Variants in KLHL22 observed in about 807,000 individuals in gnomAD.
KLHL22 encodes kelch-like protein 22.
In KLHL22, 18 loss-of-function variants were observed where a neutral mutation model predicts 60.7. The ratio of observed to expected loss-of-function variants is 0.30; its 90% CI spans 0.20 to 0.44. The LOEUF is 0.44. Among genes scored for constraint, KLHL22 ranks in the 20% least tolerant of loss-of-function variants. The pLI, the probability that KLHL22 is intolerant of heterozygous loss-of-function variation, is 1.00. For synonymous variants in KLHL22, 355 were observed against 354.5 expected (o/e 1.00, Z -0.01); for missense variants, 596 against 852.3 (o/e 0.70, Z 3.74).
intron 5 of KLHL22, among the ~76,000 whole-genome samples, chr22:20,447,243 T>C (rs1019756243): frequency 6.6e-6 from 1 of 152,222 alleles, no homozygotes; most frequent in African/African-American, 2.4e-5. Context: ...GGGCCCAGCC[T>C]GCCCCCATCA....
At chr22:20,478,508 C>CTTTTTT (rs1196419660) in intron 2 of KLHL22, among the ~76,000 whole-genome samples, 41 of 67,676 alleles carry the variant, frequency 6.1e-4, no homozygotes, top group East Asian at 1.2e-3. Context: ...AAACTTAATT[C>CTTTTTT]TTTTTTTTTT....
Position 20,443,534 on chromosome 22 carries a change from A to T in KLHL22, c.1540-1096T>A, listed in dbSNP as rs534420336. On this transcript the variant is annotated intron_variant, in intron 6 of 6. Coordinates refer to ENST00000328879, the MANE Select transcript of KLHL22 (RefSeq NM_032775.4). ...GGCGGGCTGATCACAAGGTCAAGAG[A>T]TCAAGACCATCCTGGCCAACATGGT... Among the ~76,000 whole-genome samples, 19 of 151,742 alleles carry T rather than the reference A, an allele frequency of 1.3e-4. 1 individual carries two copies. In the South Asian group the frequency reaches 2.1e-3, roughly 17 times the overall value.
At chr22:20,442,829 G>A (rs529375240) in intron 6 of KLHL22, among the ~76,000 whole-genome samples, 1 of 152,342 alleles carries the variant, frequency 6.6e-6, no homozygotes, top group South Asian at 2.1e-4. Context: ...TCCAGGAAAC[G>A]AAGCTGCCTG....
At position 20,442,419 on chromosome 22, in the gene KLHL22, G is replaced by T. The variant is rs750028643; in HGVS notation, c.1559C>A (p.Thr520Lys). 8.8e-6 allele frequency: 14 copies of T among 1,599,824 alleles called. No homozygotes were observed. Among genetic ancestry groups the T allele is most frequent in the African/African-American group, 1.3e-5 (1 of 74,598 alleles). ...DVHQVACYSC[T>K]SGQWSSVCPL... ...GCAGACAGATGACCACTGTCCAGAC[G>T]TGCAGCTGTAGCAGGCCACCTGCAA... is the stretch of plus-strand genomic sequence containing the variant. Residue 520 changes from threonine to lysine, a missense_variant, in exon 7 of 7, where the codon ACG (threonine) becomes AAG (lysine). Physicochemically the swap from Thr to Lys is moderately conservative, Grantham distance 78 (BLOSUM62 -1). Transcript: ENST00000328879.
intron 5 of KLHL22, among the ~76,000 whole-genome samples, chr22:20,446,885 A>C (rs2052873206): frequency 6.6e-6 from 1 of 152,216 alleles, no homozygotes; most frequent in African/African-American, 2.4e-5. Flanking sequence ...CCAATAGCGG[A>C]TACATCTATA....
At chr22:20,487,696 AC>A (rs2146285059) in intron 2 of KLHL22, among the ~76,000 whole-genome samples, 1 of 152,260 alleles carries the variant, frequency 6.6e-6, no homozygotes, top group South Asian at 2.1e-4. Context: ...TAAGAGGTTT[AC>A]CCAAGGGGGG....
intron 2 of KLHL22, among the ~76,000 whole-genome samples, chr22:20,476,131 T>A (rs1420782741): frequency 6.6e-6 from 1 of 152,202 alleles, no homozygotes; most frequent in Non-Finnish European, 1.5e-5. Flanking sequence ...CATTTGGAAG[T>A]CTTATAAGTC....
rs147989634 is a variant in KLHL22, at chr22:20,469,822, T to C, written c.393+1528A>G. On this transcript the variant is annotated intron_variant, in intron 3 of 6. Transcript: ENST00000328879. ...AAACCTGCTCTCATGGGAAGAAAGGTCAGAATGATGAACTTAGCATAGCAT... is the reference window on the plus strand; with the variant it reads ...AAACCTGCTCTCATGGGAAGAAAGGCCAGAATGATGAACTTAGCATAGCAT... Among the ~76,000 whole-genome samples the C allele has an allele frequency of 3.4e-4, 52 of 151,438 alleles. No individual in the cohort carries two copies. The East Asian group carries it at 9.8e-3, about 29-fold the overall frequency.
Position 20,489,261 on chromosome 22 carries a change from C to G in KLHL22, c.-33-17G>C. 6.3e-7 allele frequency: 1 copy of G among 1,585,818 alleles called. No individual in the cohort carries two copies. The highest frequency in any genetic ancestry group is 1.7e-5 in the Admixed American group (1 of 59,500). The stretch of plus-strand genomic sequence containing the variant: ...AACTGTGGCCTGACAGTTGGCAAAA[C>G]AGGGGACAGGGGTGAGCAGGCAGGC... On this transcript the variant is annotated splice_polypyrimidine_tract_variant and intron_variant, in intron 1 of 6. Transcript: ENST00000328879.
chr22:20,445,651 T>C (rs1305893732), intron 6 of KLHL22, among the ~76,000 whole-genome samples: 1 of 152,246 alleles, frequency 6.6e-6, no homozygotes, highest in African/African-American at 2.4e-5. Flanking sequence ...GGTGTGATCA[T>C]AGCTCAGTGA....
At chr22:20,471,232 G>A (rs2053322010) in intron 3 of KLHL22, 118 bp downstream of exon 3, 2 of 938,360 alleles carry the variant, frequency 2.1e-6, no homozygotes, top group Non-Finnish European at 3.2e-6. Flanking sequence ...TCACTGCTTG[G>A]TCTCCTCACA....
At chr22:20,467,739 A>G (rs1055642593) in intron 3 of KLHL22, among the ~76,000 whole-genome samples, 1 of 152,116 alleles carries the variant, frequency 6.6e-6, no homozygotes, top group African/African-American at 2.4e-5. Flanking sequence ...GCTCACTGCA[A>G]GCTCCGCCTC....
intron 5 of KLHL22, among the ~76,000 whole-genome samples, chr22:20,455,401 GC>G (rs1336598069): frequency 1.3e-5 from 2 of 152,138 alleles, no homozygotes; most frequent in South Asian, 4.1e-4. Context: ...CTACAAGCAT[GC>G]CCCATGCTTC....
chr22:20,450,647 G>A lies in KLHL22; in HGVS notation c.1306-3971C>T, dbSNP rs116768829. 1,304 of 1,579,908 alleles carry A rather than the reference G, an allele frequency of 8.3e-4. 13 individuals are homozygous for A. The African/African-American group carries it at 0.016, about 19-fold the overall frequency. ...GAAGAGTTCATTCTTCTGAGGCAAG[G>A]AGAGGTGGAAAAGCTAATCAAGTGC... On this transcript the variant is annotated intron_variant, in intron 5 of 6. Coordinates refer to ENST00000328879, the MANE Select transcript of KLHL22 (RefSeq NM_032775.4).
At chr22:20,442,855 A>G (rs942453481) in intron 6 of KLHL22, among the ~76,000 whole-genome samples, 2 of 152,226 alleles carry the variant, frequency 1.3e-5, no homozygotes, top group Non-Finnish European at 2.9e-5. Context: ...CATGGACTCC[A>G]CTGAAATGTC....
intron 6 of KLHL22, among the ~76,000 whole-genome samples, chr22:20,446,154 G>A (rs961013535): frequency 6.6e-6 from 1 of 152,232 alleles, no homozygotes; most frequent in Admixed American, 6.5e-5. Flanking sequence ...TGTGCCAAGA[G>A]TGAACACTGT....
chr22:20,481,512 G>A (rs1313428651), intron 2 of KLHL22, among the ~76,000 whole-genome samples: 1 of 152,176 alleles, frequency 6.6e-6, no homozygotes, highest in Non-Finnish European at 1.5e-5. Flanking sequence ...GGCGGAGGTT[G>A]CAGTGAGCAG....
chr22:20,442,828 C>T (rs962022327), intron 6 of KLHL22, among the ~76,000 whole-genome samples: 10 of 152,236 alleles, frequency 6.6e-5, no homozygotes, highest in Non-Finnish European at 1.0e-4. Context: ...CTCCAGGAAA[C>T]GAAGCTGCCT....
In KLHL22 at chr22:20,442,410, T is replaced by C; in HGVS notation, c.1568A>G (p.Gln523Arg). The change falls in exon 7 of 7, where the codon CAG becomes CGG. Residue 523 changes from glutamine to arginine, a missense_variant. Gln to Arg is a conservative substitution (Grantham distance 43). Transcript: ENST00000328879. ...AGGGAGTGGGCAGACAGATGACCACTGTCCAGACGTGCAGCTGTAGCAGGC... is the reference window on the plus strand; with the variant it reads ...AGGGAGTGGGCAGACAGATGACCACCGTCCAGACGTGCAGCTGTAGCAGGC... ...QVACYSCTSG[Q>R]WSSVCPLPAG... 2.5e-6 allele frequency: 4 copies of C among 1,604,598 alleles called. No homozygotes were observed. Among genetic ancestry groups the C allele is most frequent in the Non-Finnish European group, 3.4e-6 (4 of 1,173,850 alleles).
Sources: allele counts gnomAD v4.1 joint callset (sites outside exome capture counted in the v4.1 genomes callset), GRCh38; gene constraint gnomAD v4.1.1; transcripts MANE v1.5; gene names NCBI Gene and HGNC (gene_info 2026-07-23, HGNC 2026-07-21).